PLCH1: variants seen among roughly 807,000 people sequenced by gnomAD.
PLCH1 encodes the protein 1-phosphatidylinositol 4,5-bisphosphate phosphodiesterase eta-1.
Under a neutral mutation model 126.7 loss-of-function variants are expected in PLCH1, and 60 were observed. The ratio of observed to expected loss-of-function variants is 0.47; its 90% CI spans 0.38 to 0.59. PLCH1 has a LOEUF of 0.59. Among genes scored for constraint, PLCH1 ranks in the 20% least tolerant of loss-of-function variants. The pLI is 0.00. For synonymous variants in PLCH1, 719 were observed against 734.9 expected (o/e 0.98, Z 0.35); for missense variants, 1,723 against 2,040.0 (o/e 0.84, Z 2.99).
intron 1 of PLCH1, among the ~76,000 whole-genome samples, chr3:155,725,641 C>T (rs28705686): frequency 0.11 from 17,350 of 151,814 alleles, 1,178 homozygotes; most frequent in African/African-American, 0.19. Context: ...GGTTTCACCA[C>T]GTTGGCCGGG....
intron 8 of PLCH1, among the ~76,000 whole-genome samples, chr3:155,562,151 T>C (rs1727716014): frequency 6.6e-6 from 1 of 152,180 alleles, no homozygotes; most frequent in African/African-American, 2.4e-5. Context: ...GCATACTTTG[T>C]AAATTAAAAC....
At chr3:155,464,261 C>T (rs1289565223) in intron 21 of PLCH1, among the ~76,000 whole-genome samples, 1 of 152,140 alleles carries the variant, frequency 6.6e-6, no homozygotes, top group Non-Finnish European at 1.5e-5. Flanking sequence ...GCAGAGGAAG[C>T]CAGGCTGCAG....
chr3:155,628,311 T>C (rs1280708193), intron 2 of PLCH1, among the ~76,000 whole-genome samples: 2 of 130,456 alleles, frequency 1.5e-5, no homozygotes, highest in Admixed American at 1.7e-4. Flanking sequence ...TCCTGTAACA[T>C]AGGATGTAAG....
chr3:155,668,496 C>T (rs539627040), intron 2 of PLCH1, among the ~76,000 whole-genome samples: 6 of 152,078 alleles, frequency 3.9e-5, no homozygotes, highest in African/African-American at 9.6e-5. Flanking sequence ...AAAAATAAGA[C>T]GAATTGAGAA....
intron 2 of PLCH1, among the ~76,000 whole-genome samples, chr3:155,662,228 G>A (rs1742244754): frequency 1.3e-5 from 2 of 152,198 alleles, no homozygotes; most frequent in African/African-American, 2.4e-5. Flanking sequence ...CAAGGTGGGA[G>A]AATCCTTTGA....
intron 2 of PLCH1, among the ~76,000 whole-genome samples, chr3:155,671,764 C>A (rs1368733533): frequency 2.6e-5 from 4 of 151,984 alleles, no homozygotes; most frequent in Non-Finnish European, 5.9e-5. Flanking sequence ...TCTCATCTAT[C>A]ATAGAAGAAA....
chr3:155,676,278 A>C, intron 2 of PLCH1: 3 of 1,178,476 alleles, frequency 2.5e-6, no homozygotes, highest in Non-Finnish European at 3.2e-6. Flanking sequence ...TTTGTCCCAA[A>C]GTGAAAAGCA....
At chr3:155,590,681 C>T (rs781200931) in intron 4 of PLCH1, among the ~76,000 whole-genome samples, 9 of 149,826 alleles carry the variant, frequency 6.0e-5, no homozygotes, top group Non-Finnish European at 7.4e-5. Flanking sequence ...ACCCAGGAGG[C>T]GGAGCTTGCA....
chr3:155,687,632 T>C (rs1745053325), intron 2 of PLCH1, among the ~76,000 whole-genome samples: 2 of 152,176 alleles, frequency 1.3e-5, no homozygotes, highest in South Asian at 4.1e-4. Context: ...ATGAGAATAT[T>C]ATTTCCCAGA....
chr3:155,506,796 A>G (rs1209576395), intron 12 of PLCH1, among the ~76,000 whole-genome samples: 15 of 129,738 alleles, frequency 1.2e-4, no homozygotes, highest in Non-Finnish European at 2.1e-4. Flanking sequence ...TATTGTGAAT[A>G]GTGCCGCAAT....
intron 1 of PLCH1, among the ~76,000 whole-genome samples, chr3:155,726,583 T>A (rs944414076): frequency 3.3e-5 from 5 of 152,228 alleles, no homozygotes; most frequent in African/African-American, 9.6e-5. Context: ...TGTCAAGTGA[T>A]GCTTTTTATT....
chr3:155,523,937 G>A lies in PLCH1; in HGVS notation c.1430C>T (p.Ala477Val). 5.0e-6 allele frequency: 8 copies of A among 1,608,836 alleles called. No homozygotes were observed. The highest frequency in any genetic ancestry group is 6.8e-6 in the Non-Finnish European group (8 of 1,176,958). The change falls in exon 11 of 23, where the codon GCA (alanine) becomes GTA (valine). Residue 477 changes from alanine (A) to valine (V), a missense_variant. Ala to Val is a moderately conservative substitution (Grantham distance 64, BLOSUM62 0). Transcript: ENST00000460012. ...TTTGCACTCGTCTTCAATTTCATCT[G>A]CACTGTCCTCATCAGAAACTTCCCC... ...EEGEVSDEDSADEIEDECKFK... is the reference protein window; with the variant it reads ...EEGEVSDEDSVDEIEDECKFK...
At position 155,641,378 on chromosome 3, in the gene PLCH1, A is replaced by G. The variant is rs117620412; in HGVS notation, c.80-45000T>C. The stretch of plus-strand genomic sequence containing the variant: ...ACTACCTCATATTTCTCTCTGTATG[A>G]TAAGCCCAAATATTCCTTAACTGTG... On this transcript the variant is annotated intron_variant, in intron 2 of 22. Transcript: ENST00000460012. 8.0e-3 allele frequency among the ~76,000 whole-genome samples: 1,210 copies of G among 152,092 alleles called. 33 individuals carry two copies. Among genetic ancestry groups the G allele is most frequent in the Admixed American group, 0.047 (718 of 15,264 alleles).
intron 21 of PLCH1, among the ~76,000 whole-genome samples, chr3:155,469,850 C>A (rs1041104183): frequency 2.6e-5 from 4 of 152,088 alleles, no homozygotes; most frequent in Non-Finnish European, 5.9e-5. Context: ...TTCCAATAGA[C>A]CTGCAGCTGA....
Position 155,523,851 on chromosome 3 carries a change from A to G in PLCH1, c.1470+46T>C, listed in dbSNP as rs566094954. On this transcript the variant is annotated intron_variant, in intron 11 of 22. Coordinates refer to ENST00000460012, the MANE Select transcript of PLCH1 (RefSeq NM_014996.4). ...AGTAGCAACTTGGAACTCCATTTTA[A>G]TACAGCATATCAAGGATAAAAAATA... is the stretch of plus-strand genomic sequence containing the variant. The G allele has an allele frequency of 8.0e-5, 88 of 1,098,234 alleles. 4 individuals are homozygous for G. The South Asian group carries it at 1.2e-3, about 14-fold the overall frequency. 68.0% of individuals were successfully genotyped at this position (1,098,234 alleles called of 1,614,324 possible).
At chr3:155,458,282 C>T (rs112665867) in intron 21 of PLCH1, among the ~76,000 whole-genome samples, 5 of 145,864 alleles carry the variant, frequency 3.4e-5, no homozygotes, top group African/African-American at 1.0e-4. Flanking sequence ...GCGGAGGTTG[C>T]CGTGAGCCAA....
chr3:155,609,687 A>G (rs1734799942), intron 2 of PLCH1, among the ~76,000 whole-genome samples: 1 of 152,114 alleles, frequency 6.6e-6, no homozygotes, highest in Non-Finnish European at 1.5e-5. Context: ...ACAAATATAT[A>G]TAATAAAGTA....
At chr3:155,614,089 A>G (rs946806430) in intron 2 of PLCH1, among the ~76,000 whole-genome samples, 2 of 152,216 alleles carry the variant, frequency 1.3e-5, no homozygotes, top group African/African-American at 4.8e-5. Flanking sequence ...ATACCTAACC[A>G]AGGAGGTGAA....
intron 10 of PLCH1, among the ~76,000 whole-genome samples, chr3:155,532,503 G>T (rs915877986): frequency 1.3e-5 from 2 of 152,136 alleles, no homozygotes; most frequent in African/African-American, 4.8e-5. Flanking sequence ...ATACCCACGT[G>T]ACTAGGGAGA....
Sources: gnomAD v4.1 joint callset for allele counts (sites outside exome capture counted in the v4.1 genomes callset) on GRCh38, gnomAD v4.1.1 for gene constraint, MANE v1.5 for transcripts, NCBI Gene and HGNC (gene_info 2026-07-23, HGNC 2026-07-21) for gene names.